The following USP48 variants were observed in gnomAD, a reference collection of about 807,000 sequenced individuals.
USP48 encodes ubiquitin carboxyl-terminal hydrolase 48.
In USP48, 43 loss-of-function variants were observed where a neutral mutation model predicts 150.7. The ratio of observed to expected loss-of-function variants is 0.29; its 90% CI spans 0.22 to 0.37. USP48 has a LOEUF of 0.37. Ranked by LOEUF, USP48 falls within the 10% of genes least tolerant of loss-of-function variation. The pLI, the probability that USP48 is intolerant of heterozygous loss-of-function variation, is 1.00. For missense variants in USP48, 813 were observed against 1,249.6 expected (o/e 0.65, Z 5.27); for synonymous variants, 396 against 425.9 (o/e 0.93, Z 0.86).
At chr1:21,697,337 C>T (rs1186133028) in intron 22 of USP48, among the ~76,000 whole-genome samples, 2 of 151,924 alleles carry the variant, frequency 1.3e-5, no homozygotes, top group African/African-American at 4.8e-5. Flanking sequence ...AAATGAAACC[C>T]GATGAAACAT....
chr1:21,720,871 C>T (rs2097718677), intron 14 of USP48, among the ~76,000 whole-genome samples, 165 bp downstream of exon 14: 1 of 152,016 alleles, frequency 6.6e-6, no homozygotes, highest in African/African-American at 2.4e-5. Flanking sequence ...ACTCTGTTAC[C>T]CAGACTGGAG....
At chr1:21,756,821 ATAGCC>A in intron 2 of USP48, 119 bp from the exon 3 acceptor site, 1 of 1,456,598 alleles carries the variant, frequency 6.9e-7, no homozygotes, top group Middle Eastern at 2.5e-4. Context: ...CCAACATGGT[ATAGCC>A]ACCTTAAGTT....
chr1:21,767,872 C>G (rs1015480940), intron 1 of USP48, among the ~76,000 whole-genome samples: 1 of 152,074 alleles, frequency 6.6e-6, no homozygotes, highest in Non-Finnish European at 1.5e-5. Flanking sequence ...CATGGCATTA[C>G]TGTATCAAGG....
Position 21,745,956 on chromosome 1 carries a change from C to T in USP48, c.991+1111G>A, listed in dbSNP as rs557893895. On this transcript the variant is annotated intron_variant, in intron 8 of 26. Transcript: ENST00000308271. ...GAAGTTGAAAACAGTTTCCTTGTTCCACAGAGGTACAAATTTTAAAGTACA... is the reference window on the plus strand; with the variant it reads ...GAAGTTGAAAACAGTTTCCTTGTTCTACAGAGGTACAAATTTTAAAGTACA... Among the ~76,000 whole-genome samples, 13 of 152,250 alleles carry T rather than the reference C, an allele frequency of 8.5e-5. No homozygotes were observed. In the South Asian group the frequency reaches 2.5e-3, roughly 29 times the overall value.
chr1:21,768,856 G>A (rs893920134), intron 1 of USP48, among the ~76,000 whole-genome samples: 13 of 152,084 alleles, frequency 8.5e-5, no homozygotes, highest in African/African-American at 3.1e-4. Context: ...CTGTGGTGCA[G>A]CAGTAAAATC....
chr1:21,761,845 T>G lies in USP48; in HGVS notation c.135-4062A>C, dbSNP rs371769018. Among the ~76,000 whole-genome samples the G allele has an allele frequency of 1.7e-3, 264 of 152,316 alleles. 2 individuals are homozygous for G. The highest frequency in any genetic ancestry group is 5.4e-3 in the African/African-American group (226 of 41,570). ...CAGTTTTGTCAGCTTATATCAAAGCTAGGAGGGAAAAAAGCTTATTAATGA... is the reference window on the plus strand; with the variant it reads ...CAGTTTTGTCAGCTTATATCAAAGCGAGGAGGGAAAAAAGCTTATTAATGA... On this transcript the variant is annotated intron_variant, in intron 1 of 26. Transcript: ENST00000308271.
rs142222112 is a variant in USP48, at chr1:21,777,383, A to G, written c.134+5441T>C. Among the ~76,000 whole-genome samples the G allele has an allele frequency of 3.5e-3, 539 of 152,072 alleles. 4 individuals are homozygous for G. Among genetic ancestry groups the G allele is most frequent in the African/African-American group, 0.012 (512 of 41,478 alleles). On this transcript the variant is annotated intron_variant, in intron 1 of 26. Transcript: ENST00000308271. ...AAAAGCGTCAAAAAAAAAATAGTACAATGTTGGGGCCAGGTGGTTCACACC... is the reference window on the plus strand; with the variant it reads ...AAAAGCGTCAAAAAAAAAATAGTACGATGTTGGGGCCAGGTGGTTCACACC...
chr1:21,746,556 A>T (rs2097794981), intron 8 of USP48, among the ~76,000 whole-genome samples: 1 of 152,220 alleles, frequency 6.6e-6, no homozygotes, highest in South Asian at 2.1e-4. Flanking sequence ...TGGTAGGATG[A>T]AGACTACCAA....
chr1:21,758,320 G>A (rs937880084), intron 1 of USP48, among the ~76,000 whole-genome samples: 3 of 151,842 alleles, frequency 2.0e-5, no homozygotes, highest in South Asian at 2.1e-4. Context: ...AGTATCTCTA[G>A]TATACTGTTA....
At chr1:21,727,986 G>A (rs997010693) in intron 11 of USP48, 43 of 985,236 alleles carry the variant, frequency 4.4e-5, no homozygotes, top group Non-Finnish European at 4.9e-5. Context: ...CCTTTAAAAA[G>A]GCTTAATTTG....
intron 1 of USP48, among the ~76,000 whole-genome samples, chr1:21,766,630 C>T (rs950171877): frequency 6.6e-6 from 1 of 152,170 alleles, no homozygotes; most frequent in African/African-American, 2.4e-5. Context: ...AGGGATTTCA[C>T]TCCAAATGGT....
intron 10 of USP48, among the ~76,000 whole-genome samples, chr1:21,729,389 T>C (rs1454064315): frequency 2.6e-5 from 4 of 152,162 alleles, no homozygotes; most frequent in African/African-American, 7.2e-5. Flanking sequence ...ACTCTACCTT[T>C]TATATTATGA....
At chr1:21,744,997 G>A (rs1425776073) in intron 8 of USP48, among the ~76,000 whole-genome samples, 1 of 152,068 alleles carries the variant, frequency 6.6e-6, no homozygotes, top group Non-Finnish European at 1.5e-5. Context: ...GCATGGATAT[G>A]TGTGTACAGA....
At chr1:21,736,754 T>G in intron 8 of USP48, 129 bp from the exon 9 acceptor site, 4 of 724,678 alleles carry the variant, frequency 5.5e-6, no homozygotes, top group Non-Finnish European at 8.1e-6. Flanking sequence ...CTAAAATTTT[T>G]ACAAATTAGT....
chr1:21,734,952 A>G (rs903209391), intron 9 of USP48, among the ~76,000 whole-genome samples: 3 of 152,238 alleles, frequency 2.0e-5, no homozygotes, highest in African/African-American at 7.2e-5. Context: ...TTTAAGAAGT[A>G]GTCTTTATGG....
In USP48 at chr1:21,705,806, C is replaced by T. The variant is rs2097670592; in HGVS notation, c.2305G>A (p.Val769Ile). 3.1e-6 allele frequency: 5 copies of T among 1,611,298 alleles called. No individual in the cohort carries two copies. In the African/African-American group the frequency reaches 4.0e-5, roughly 13 times the overall value. The change falls in exon 19 of 27, where the codon GTT (valine) becomes ATT (isoleucine). Residue 769 changes from valine to isoleucine, a missense_variant. Coordinates refer to ENST00000308271, the MANE Select transcript of USP48 (RefSeq NM_032236.8). ...KPTRCSPVSS[V>I]GNSALLCPHG... is the part of the protein sequence containing the mutation. ...GGACACAAAAGAGCACTGTTCCCAACTGATGACACAGGGCTGCATCTTGTA... is the reference window on the plus strand; with the variant it reads ...GGACACAAAAGAGCACTGTTCCCAATTGATGACACAGGGCTGCATCTTGTA...
chr1:21,687,771 G>C (rs113934775), intron 24 of USP48, among the ~76,000 whole-genome samples: 276 of 152,332 alleles, frequency 1.8e-3, no homozygotes, highest in African/African-American at 6.3e-3. Context: ...GACCAGTACA[G>C]ACTCTAGCTG....
rs370210128 is a variant in USP48, at chr1:21,703,627, G to GA, written c.2516-10dup. ...GCATTCTGGACAGAGTTCTTTGGGG[G>GA]AAAAAAAAAAAGGGAAAACAGAAGT... On this transcript the variant is annotated splice_polypyrimidine_tract_variant and intron_variant, in intron 20 of 26. Transcript: ENST00000308271. The GA allele has an allele frequency of 0.017, 20,845 of 1,227,404 alleles. No homozygotes were observed. The highest frequency in any genetic ancestry group is 0.024 in the South Asian group (1,547 of 64,232). The allele number at this position is 1,227,404 out of a possible 1,614,324, so 76.0% of individuals were successfully genotyped here.
chr1:21,776,653 T>C (rs1207134603), intron 1 of USP48, among the ~76,000 whole-genome samples: 1 of 135,400 alleles, frequency 7.4e-6, no homozygotes, highest in Non-Finnish European at 1.6e-5. Context: ...TTTTTGGATA[T>C]CTAAATAAAA....
Sources: allele counts gnomAD v4.1 joint callset (sites outside exome capture counted in the v4.1 genomes callset), GRCh38; gene constraint gnomAD v4.1.1; transcripts MANE v1.5; gene names NCBI Gene and HGNC (gene_info 2026-07-23, HGNC 2026-07-21).